SNTG1: variants seen among roughly 807,000 people sequenced by gnomAD.
SNTG1 encodes the protein syntrophin gamma 1.
Under a neutral mutation model 74.7 loss-of-function variants are expected in SNTG1, and 39 were observed. The observed-to-expected ratio is 0.52, with a 90% confidence interval of 0.40 to 0.68. SNTG1 has a LOEUF of 0.68. SNTG1 is among the 30% of genes least tolerant of loss of function. The pLI is 0.00. For synonymous variants in SNTG1, 254 were observed against 217.1 expected (o/e 1.17, Z -1.49); for missense variants, 685 against 609.5 (o/e 1.12, Z -1.30).
chr8:49,933,993 T>C (rs894257369), intron 1 of SNTG1, among the ~76,000 whole-genome samples: 2 of 152,220 alleles, frequency 1.3e-5, no homozygotes. Context: ...AGATGTTTCT[T>C]TCTTTCTGTC....
intron 2 of SNTG1, among the ~76,000 whole-genome samples, chr8:50,333,765 G>A (rs192447268): frequency 6.6e-6 from 1 of 152,142 alleles, no homozygotes; most frequent in African/African-American, 2.4e-5. Flanking sequence ...TCCCTTGATT[G>A]ACCAAAATAA....
At chr8:50,167,907 T>A (rs1006250783) in intron 1 of SNTG1, among the ~76,000 whole-genome samples, 1 of 152,060 alleles carries the variant, frequency 6.6e-6, no homozygotes, top group Non-Finnish European at 1.5e-5. Context: ...AAGCCATTAA[T>A]TAGTTTGCAT....
intron 8 of SNTG1, among the ~76,000 whole-genome samples, 168 bp from the exon 9 acceptor site, chr8:50,502,610 G>A (rs938794842): frequency 1.3e-5 from 2 of 152,088 alleles, no homozygotes; most frequent in Non-Finnish European, 2.9e-5. Flanking sequence ...AACATTGATG[G>A]CTCTTACTGC....
chr8:49,951,522 A>G (rs920057723), intron 1 of SNTG1, among the ~76,000 whole-genome samples: 2 of 146,766 alleles, frequency 1.4e-5, no homozygotes, highest in Admixed American at 1.4e-4. Context: ...AAAACCAAAC[A>G]CCGCATATTC....
chr8:50,081,602 T>C (rs935714180), intron 1 of SNTG1, among the ~76,000 whole-genome samples: 2 of 152,126 alleles, frequency 1.3e-5, no homozygotes, highest in Non-Finnish European at 2.9e-5. Context: ...TCTGAAGGCC[T>C]GTTCACTTCG....
intron 1 of SNTG1, among the ~76,000 whole-genome samples, chr8:49,961,000 A>G (rs1810633439): frequency 6.6e-6 from 1 of 152,178 alleles, no homozygotes; most frequent in African/African-American, 2.4e-5. Flanking sequence ...TTATTGAAAT[A>G]CTATCTTGAA....
chr8:50,610,958 C>A (rs1376410110), intron 13 of SNTG1, among the ~76,000 whole-genome samples: 3 of 139,804 alleles, frequency 2.1e-5, no homozygotes, highest in Non-Finnish European at 3.0e-5. Flanking sequence ...CTTCATGACA[C>A]TGGTAGATAA....
intron 9 of SNTG1, among the ~76,000 whole-genome samples, chr8:50,526,173 C>T (rs1169110748): frequency 6.6e-6 from 1 of 152,166 alleles, no homozygotes; most frequent in African/African-American, 2.4e-5. Context: ...AGCCCCTGAA[C>T]TCTTCTGTGT....
At chr8:50,015,945 G>T (rs1490154936) in intron 1 of SNTG1, among the ~76,000 whole-genome samples, 4 of 152,126 alleles carry the variant, frequency 2.6e-5, no homozygotes, top group Non-Finnish European at 5.9e-5. Context: ...AGCATTGGTT[G>T]TGCGACATGC....
intron 2 of SNTG1, among the ~76,000 whole-genome samples, chr8:50,328,646 C>T (rs986826076): frequency 7.2e-5 from 11 of 152,140 alleles, no homozygotes; most frequent in Non-Finnish European, 2.9e-5. Context: ...ATCCATTCAC[C>T]TCCCTCCCTC....
chr8:50,741,005 A>C (rs377212931), intron 17 of SNTG1, among the ~76,000 whole-genome samples: 52 of 152,174 alleles, frequency 3.4e-4, no homozygotes, highest in African/African-American at 1.2e-3. Flanking sequence ...GGAGGTTTGG[A>C]GAAGGGAGAA....
At chr8:50,225,277 C>T (rs2085272681) in intron 2 of SNTG1, among the ~76,000 whole-genome samples, 1 of 152,154 alleles carries the variant, frequency 6.6e-6, no homozygotes, top group Non-Finnish European at 1.5e-5. Flanking sequence ...TAAATCTGTT[C>T]TCTCTGAAGC....
chr8:50,542,794 G>A (rs2094357821), intron 11 of SNTG1, among the ~76,000 whole-genome samples: 1 of 151,996 alleles, frequency 6.6e-6, no homozygotes, highest in Non-Finnish European at 1.5e-5. Flanking sequence ...TTTTAACTGG[G>A]GTGAGATATC....
intron 18 of SNTG1, among the ~76,000 whole-genome samples, chr8:50,754,849 C>T (rs2095576312): frequency 6.6e-6 from 1 of 151,874 alleles, no homozygotes; most frequent in Admixed American, 6.6e-5. Context: ...ATTCTGACAT[C>T]TTGTGTTTCT....
At chr8:50,178,948 T>C (rs2083103101) in intron 2 of SNTG1, among the ~76,000 whole-genome samples, 1 of 152,218 alleles carries the variant, frequency 6.6e-6, no homozygotes. Flanking sequence ...CCCCATGTTT[T>C]CTTCTACAAA....
At chr8:50,678,226 A>G (rs565809255) in intron 15 of SNTG1, among the ~76,000 whole-genome samples, 1 of 152,196 alleles carries the variant, frequency 6.6e-6, no homozygotes, top group South Asian at 2.1e-4. Context: ...GAAACTCAGC[A>G]GCATATATCA....
At chr8:50,352,913 C>T (rs1039212581) in intron 2 of SNTG1, among the ~76,000 whole-genome samples, 3 of 151,860 alleles carry the variant, frequency 2.0e-5, no homozygotes, top group Admixed American at 2.0e-4. Context: ...GGGTATATAC[C>T]CAAAGGATTA....
intron 9 of SNTG1, among the ~76,000 whole-genome samples, chr8:50,528,980 A>T (rs80039144): frequency 6.7e-6 from 1 of 150,340 alleles, no homozygotes; most frequent in Non-Finnish European, 1.5e-5. Flanking sequence ...TCCATTCTTA[A>T]GTTCTTAAGA....
At chr8:49,965,101 C>T (rs956565330) in intron 1 of SNTG1, among the ~76,000 whole-genome samples, 28 of 152,240 alleles carry the variant, frequency 1.8e-4, no homozygotes, top group South Asian at 6.2e-4. Context: ...TCTAGTATGA[C>T]GCTCTGGCAC....
Sources: allele counts gnomAD v4.1 joint callset (sites outside exome capture counted in the v4.1 genomes callset), GRCh38; gene constraint gnomAD v4.1.1; transcripts MANE v1.5; gene names NCBI Gene and HGNC (gene_info 2026-07-23, HGNC 2026-07-21).